CNTNAP3B: variants seen among roughly 807,000 people sequenced by gnomAD.
CNTNAP3B encodes the protein contactin associated protein family member 3B, also known as contactin-associated protein-like 3B.
CNTNAP3B carries 25 observed loss-of-function variants against 108.9 expected under a neutral mutation model. The observed-to-expected ratio is 0.23, with a 90% CI of 0.17 to 0.32. The LOEUF (loss-of-function observed/expected upper bound fraction) is 0.32. CNTNAP3B is among the 10% of genes least tolerant of loss of function. CNTNAP3B has a pLI of 1.00. For synonymous variants in CNTNAP3B, 103 were observed against 473.4 expected (o/e 0.22, Z 10.16); for missense variants, 252 against 1,210.4 (o/e 0.21, Z 11.75).
At position 41,990,887 on chromosome 9, in the gene CNTNAP3B, C is replaced by A. The variant is rs889067884; in HGVS notation, c.1333+723G>T. 1.6e-4 allele frequency among the ~76,000 whole-genome samples: 22 copies of A among 139,334 alleles called. 2 individuals are homozygous for A. The highest frequency in any genetic ancestry group is 5.7e-4 in the African/African-American group (20 of 35,316). 91.4% of individuals were successfully genotyped at this position (139,334 alleles called of 152,430 possible). ...AGCCCCTAACCTAGCATTTGCCCAA[C>A]AAAAACAGGCCCTGATGGGGAGTGG... is the stretch of plus-strand genomic sequence containing the variant. On this transcript the variant is annotated intron_variant, in intron 8 of 23. Transcript: ENST00000377561.
At chr9:42,044,463 G>C (rs1311230492) in intron 3 of CNTNAP3B, among the ~76,000 whole-genome samples, 13 of 137,280 alleles carry the variant, frequency 9.5e-5, no homozygotes, top group Non-Finnish European at 2.0e-4. Context: ...CATTATTAAA[G>C]TTTAAATAGC....
At chr9:42,112,916 C>T (rs1223851753) in intron 1 of CNTNAP3B, among the ~76,000 whole-genome samples, 1 of 121,624 alleles carries the variant, frequency 8.2e-6, no homozygotes, top group African/African-American at 3.5e-5. Context: ...GTCGCCCAGG[C>T]TAAATTTTTT....
chr9:41,939,702 A>C (rs1824274600), intron 13 of CNTNAP3B, among the ~76,000 whole-genome samples: 2 of 152,278 alleles, frequency 1.3e-5, no homozygotes, highest in South Asian at 4.1e-4. Context: ...CAAAACACTC[A>C]TTATATCCTA....
intron 9 of CNTNAP3B, chr9:41,974,316 C>T (rs1413858276): frequency 1.0e-5 from 1 of 97,444 alleles, no homozygotes; most frequent in East Asian, 5.7e-4. Context: ...CCTGGCTACC[C>T]ATGGGTAGAG....
rs540802896 is a variant in CNTNAP3B, at chr9:41,935,991, G to T, written c.2237+2253C>A. Reference sequence around the variant, plus strand: ...CAATACAGGTGGCTCCAAGTGATACGTTCCTCTGGTTACTGCCCTAAGCAT... The same window carrying T: ...CAATACAGGTGGCTCCAAGTGATACTTTCCTCTGGTTACTGCCCTAAGCAT... On this transcript the variant is annotated intron_variant, in intron 14 of 23. Transcript: ENST00000377561. Among the ~76,000 whole-genome samples, 12 of 152,346 alleles carry T rather than the reference G, an allele frequency of 7.9e-5. No homozygotes were observed. In the South Asian group the frequency reaches 1.0e-3, roughly 13 times the overall value.
chr9:42,125,375 C>G (rs1454788861), intron 1 of CNTNAP3B, among the ~76,000 whole-genome samples: 1 of 141,694 alleles, frequency 7.1e-6, no homozygotes, highest in Non-Finnish European at 1.5e-5. Flanking sequence ...CCTTGCTATA[C>G]TGTGGATGCT....
intron 13 of CNTNAP3B, among the ~76,000 whole-genome samples, chr9:41,951,636 G>A (rs1265196245): frequency 6.6e-6 from 1 of 152,266 alleles, no homozygotes; most frequent in South Asian, 2.1e-4. Flanking sequence ...GACAGACTTA[G>A]CACTTGAACT....
At chr9:41,966,456 T>C (rs2118240622) in intron 10 of CNTNAP3B, among the ~76,000 whole-genome samples, 1 of 152,382 alleles carries the variant, frequency 6.6e-6, no homozygotes, top group East Asian at 1.9e-4. Context: ...GTAGCTAGCA[T>C]GCAGAAGACC....
chr9:41,934,935 A>C (rs1168118630), intron 14 of CNTNAP3B, among the ~76,000 whole-genome samples: 4,131 of 150,574 alleles, frequency 0.027, no homozygotes, highest in African/African-American at 0.098. Context: ...CAAAAGTCCT[A>C]TTTAAATTCT....
intron 13 of CNTNAP3B, among the ~76,000 whole-genome samples, chr9:41,945,407 A>T (rs1157844504): frequency 6.6e-6 from 1 of 152,310 alleles, no homozygotes; most frequent in Non-Finnish European, 1.5e-5. Flanking sequence ...AAAATGTGGC[A>T]CATATATACC....
At chr9:42,086,349 A>G (rs1827703373) in intron 2 of CNTNAP3B, among the ~76,000 whole-genome samples, 1 of 135,638 alleles carries the variant, frequency 7.4e-6, no homozygotes. Context: ...CAGCCAAACC[A>G]TATCATCTAC....
At chr9:41,997,403 A>C (rs1825919516) in intron 6 of CNTNAP3B, among the ~76,000 whole-genome samples, 165 bp downstream of exon 6, 1 of 152,180 alleles carries the variant, frequency 6.6e-6, no homozygotes, top group Admixed American at 6.5e-5. Flanking sequence ...GATCTATTAT[A>C]ATAAACTGAC....
chr9:42,043,172 C>A (rs1286778942), intron 3 of CNTNAP3B, among the ~76,000 whole-genome samples: 1 of 82,558 alleles, frequency 1.2e-5, no homozygotes, highest in African/African-American at 4.7e-5. Context: ...TTCTTTTATT[C>A]TTTTTTTTTT....
intron 1 of CNTNAP3B, among the ~76,000 whole-genome samples, chr9:42,111,927 T>C (rs1445439163): frequency 2.2e-5 from 3 of 138,962 alleles, no homozygotes; most frequent in Admixed American, 7.2e-5. Flanking sequence ...TTTTAAACTA[T>C]TGCTGAGTGC....
rs1827544628 is a variant in CNTNAP3B, at chr9:42,078,713, C to A, written c.197-1651G>T. ...AGATCAGGGGCATCCTCCACTCATG[C>A]AACATGGTTTCCTAGATCGGGCAAG... On this transcript the variant is annotated intron_variant, in intron 2 of 23. Coordinates refer to ENST00000377561, the MANE Select transcript of CNTNAP3B (RefSeq NM_001201380.3). Among the ~76,000 whole-genome samples, 3 of 137,194 alleles carry A rather than the reference C, an allele frequency of 2.2e-5. No individual in the cohort carries two copies. The South Asian group carries it at 7.0e-4, about 32-fold the overall frequency. 90.0% of individuals were successfully genotyped at this position (137,194 alleles called of 152,430 possible). A position where few individuals can be genotyped will look rare whatever the true frequency, so the allele number is the denominator to read the frequency against.
chr9:42,094,549 G>A (rs1469924410), intron 2 of CNTNAP3B, among the ~76,000 whole-genome samples: 2 of 131,518 alleles, frequency 1.5e-5, no homozygotes, highest in African/African-American at 6.2e-5. Flanking sequence ...CAGCTACTCG[G>A]GAGGCTGAGG....
At chr9:42,120,170 T>C (rs1479046192) in intron 1 of CNTNAP3B, among the ~76,000 whole-genome samples, 1 of 147,404 alleles carries the variant, frequency 6.8e-6, no homozygotes, top group Non-Finnish European at 1.5e-5. Flanking sequence ...GCAAAGGATA[T>C]GAACAGACAC....
chr9:41,950,371 A>G (rs1255030938), intron 13 of CNTNAP3B, among the ~76,000 whole-genome samples: 15 of 141,806 alleles, frequency 1.1e-4, no homozygotes, highest in Middle Eastern at 3.5e-3. Context: ...TGACCCACCT[A>G]TTGCCCTTTG....
intron 3 of CNTNAP3B, among the ~76,000 whole-genome samples, chr9:42,070,472 C>T (rs557149981): frequency 6.9e-6 from 1 of 145,736 alleles, no homozygotes; most frequent in African/African-American, 2.6e-5. Flanking sequence ...GCTGACGTGT[C>T]CTGCAGACCT....
Sources: gnomAD v4.1 joint callset for allele counts (sites outside exome capture counted in the v4.1 genomes callset) on GRCh38, gnomAD v4.1.1 for gene constraint, MANE v1.5 for transcripts, NCBI Gene and HGNC (gene_info 2026-07-23, HGNC 2026-07-21) for gene names.